Variants in MAP2K5 observed in about 807,000 individuals in gnomAD.
MAP2K5 encodes the protein dual specificity mitogen-activated protein kinase kinase 5.
A neutral mutation model predicts 83.1 loss-of-function variants in MAP2K5; 49 were observed. The observed-to-expected ratio is 0.59, with a 90% confidence interval of 0.47 to 0.75. The LOEUF (loss-of-function observed/expected upper bound fraction) is 0.75, where lower values mean the gene tolerates loss of function less well. Among genes scored for constraint, MAP2K5 ranks in the 30% least tolerant of loss-of-function variants. The pLI is 0.00. For missense variants in MAP2K5, 457 were observed against 557.5 expected (o/e 0.82, Z 1.82); for synonymous variants, 202 against 191.8 (o/e 1.05, Z -0.44).
At chr15:67,653,748 T>C (rs1162623192) in intron 11 of MAP2K5, among the ~76,000 whole-genome samples, 1 of 152,164 alleles carries the variant, frequency 6.6e-6, no homozygotes, top group Non-Finnish European at 1.5e-5. Context: ...CTTGATGTTC[T>C]CCTTCTGTTT....
intron 15 of MAP2K5, among the ~76,000 whole-genome samples, chr15:67,695,608 T>TG (rs1169645819): frequency 6.6e-6 from 1 of 152,168 alleles, no homozygotes; most frequent in Non-Finnish European, 1.5e-5. Context: ...TTTTAAAAGT[T>TG]GGGGGGACAT....
chr15:67,802,770 A>G lies in MAP2K5; in HGVS notation c.1243-3876A>G, dbSNP rs1330898169. On this transcript the variant is annotated intron_variant, in intron 21 of 21. Transcript: ENST00000178640. This position sits in a 1 kb window ranked among gnomAD's most constrained non-coding sequence, Gnocchi z 5.0. ...CTGTATTGGTGCCTGGGTTCCAGGGAGCTGCACCATGCCGCGCTTCCATTG... is the reference window on the plus strand; with the variant it reads ...CTGTATTGGTGCCTGGGTTCCAGGGGGCTGCACCATGCCGCGCTTCCATTG... Among the ~76,000 whole-genome samples, 2 of 152,210 alleles carry G rather than the reference A, an allele frequency of 1.3e-5. No homozygotes were observed. The highest frequency in any genetic ancestry group is 6.5e-5 in the Admixed American group (1 of 15,288).
At chr15:67,582,979 T>A (rs1216258120) in intron 4 of MAP2K5, among the ~76,000 whole-genome samples, 1 of 152,218 alleles carries the variant, frequency 6.6e-6, no homozygotes, top group Non-Finnish European at 1.5e-5. Flanking sequence ...TCACTGTTCA[T>A]CGCATTATGC....
intron 19 of MAP2K5, among the ~76,000 whole-genome samples, chr15:67,761,419 C>A (rs953454776): frequency 6.6e-6 from 1 of 152,172 alleles, no homozygotes; most frequent in Non-Finnish European, 1.5e-5. Context: ...GCTGAAGCAG[C>A]CTTTGAATTT....
intron 21 of MAP2K5, among the ~76,000 whole-genome samples, chr15:67,800,695 T>G (rs1229381682): frequency 6.6e-6 from 1 of 152,212 alleles, no homozygotes; most frequent in Non-Finnish European, 1.5e-5. Context: ...CTCAGAGCCA[T>G]GGACCACACT....
chr15:67,713,412 G>A (rs1038681018), intron 16 of MAP2K5, among the ~76,000 whole-genome samples: 14 of 152,172 alleles, frequency 9.2e-5, no homozygotes, highest in Non-Finnish European at 1.5e-5. Context: ...AAACCATGTA[G>A]AGCTGTGTAA....
rs867947541 is a variant in MAP2K5, at chr15:67,624,635, G to A, written c.546-6253G>A. 2.7e-5 allele frequency among the ~76,000 whole-genome samples: 3 copies of A among 110,868 alleles called. No homozygotes were observed. In the Admixed American group the frequency reaches 2.8e-4, roughly 10 times the overall value. The allele number at this position is 110,868 out of a possible 152,430, so 72.7% of individuals were successfully genotyped here. A position where few individuals can be genotyped will look rare whatever the true frequency, so the allele number is the denominator to read the frequency against. On this transcript the variant is annotated intron_variant, in intron 8 of 21. Transcript: ENST00000178640. ...TGTGTGTGTGTGTGTGTGTGTGTGT[G>A]TGTGAGTGTGTTTGACGGAGTTTCG...
In MAP2K5 at chr15:67,562,988, G is replaced by A. The variant is rs59327254; in HGVS notation, c.185-295G>A. Among the ~76,000 whole-genome samples, 4,181 of 152,132 alleles carry A rather than the reference G, an allele frequency of 0.027. 175 individuals carry two copies. The highest frequency in any genetic ancestry group is 0.091 in the African/African-American group (3,765 of 41,474). ...TGGCCTCTCGTTGGTTTTTAGTTCC[G>A]CTAACCAAACCTGTTTTGTCATACT... On this transcript the variant is annotated intron_variant, in intron 2 of 21. Coordinates refer to ENST00000178640, the MANE Select transcript of MAP2K5 (RefSeq NM_145160.3). The surrounding 1 kb of genome is among the most constrained non-coding windows in gnomAD (Gnocchi z 4.1).
At chr15:67,798,849 C>A (rs1212196709) in intron 21 of MAP2K5, among the ~76,000 whole-genome samples, 1 of 152,178 alleles carries the variant, frequency 6.6e-6, no homozygotes, top group East Asian at 1.9e-4. Flanking sequence ...GAACCCCCAC[C>A]CCCAAATATG....
chr15:67,666,076 G>GA (rs1257424126), intron 13 of MAP2K5, among the ~76,000 whole-genome samples: 6 of 152,038 alleles, frequency 3.9e-5, no homozygotes, highest in Non-Finnish European at 7.4e-5. Context: ...AGAACTAAAG[G>GA]AAAAACATCC....
chr15:67,586,707 T>C, intron 5 of MAP2K5, 139 bp from the exon 6 acceptor site: 1 of 757,228 alleles, frequency 1.3e-6, no homozygotes, highest in Non-Finnish European at 2.4e-6. Flanking sequence ...ATATACTGAA[T>C]AGACTCCAAC....
intron 17 of MAP2K5, among the ~76,000 whole-genome samples, chr15:67,733,037 T>A (rs2089257271): frequency 6.6e-6 from 1 of 152,196 alleles, no homozygotes; most frequent in Non-Finnish European, 1.5e-5. Flanking sequence ...AGTGCAAACA[T>A]CCTAGGCAGT....
rs10529511 is a variant in MAP2K5 at position 67,774,167 on chromosome 15, A to ATGTG, written c.1242+1448_1242+1451dup. ...CCTTGAAAGCAAGTGATGTGTGTGTATGTGTGTGTGTGTGTGTGTGTGTGT... is the reference window on the plus strand; with the variant it reads ...CCTTGAAAGCAAGTGATGTGTGTGTATGTGTGTGTGTGTGTGTGTGTGTGTGTGT... On this transcript the variant is annotated intron_variant, in intron 21 of 21. Transcript: ENST00000178640. This position sits in a 1 kb window ranked among gnomAD's most constrained non-coding sequence, Gnocchi z 4.9. 1.2e-4 allele frequency among the ~76,000 whole-genome samples: 18 copies of ATGTG among 149,566 alleles called. No individual in the cohort carries two copies. Among genetic ancestry groups the ATGTG allele is most frequent in the African/African-American group, 3.9e-4 (16 of 40,510 alleles).
intron 21 of MAP2K5, among the ~76,000 whole-genome samples, chr15:67,795,675 A>C (rs2090593259): frequency 6.6e-6 from 1 of 152,242 alleles, no homozygotes; most frequent in Non-Finnish European, 1.5e-5. Context: ...TTTGCTTGAA[A>C]AAAGTATATA....
intron 8 of MAP2K5, among the ~76,000 whole-genome samples, chr15:67,617,605 C>T (rs1348616075): frequency 1.3e-5 from 2 of 152,096 alleles, no homozygotes; most frequent in African/African-American, 4.8e-5. Context: ...TGTGGGAGTC[C>T]AGATGTTGGA....
intron 19 of MAP2K5, among the ~76,000 whole-genome samples, chr15:67,766,196 G>A (rs1030467154): frequency 6.6e-6 from 1 of 152,188 alleles, no homozygotes; most frequent in Non-Finnish European, 1.5e-5. Context: ...GACCCAGCTT[G>A]TGTCCCTTCA....
Position 67,698,826 on chromosome 15 carries a change from G to A in MAP2K5, c.973-4511G>A, listed in dbSNP as rs918128971. On this transcript the variant is annotated intron_variant, in intron 15 of 21. Coordinates refer to ENST00000178640, the MANE Select transcript of MAP2K5 (RefSeq NM_145160.3). The surrounding 1 kb of genome is among the most constrained non-coding windows in gnomAD (Gnocchi z 4.5). ...TGCTCATGCGATGGTAGTAATGGTA[G>A]TGGTGGTGACTGGAAGGAGGCTAAC... Among the ~76,000 whole-genome samples the A allele has an allele frequency of 1.3e-5, 2 of 152,318 alleles. No homozygotes were observed. Among genetic ancestry groups the A allele is most frequent in the Middle Eastern group, 3.4e-3 (1 of 294 alleles).
intron 19 of MAP2K5, among the ~76,000 whole-genome samples, chr15:67,761,711 G>C (rs190044228): frequency 1.7e-4 from 26 of 152,244 alleles, no homozygotes; most frequent in Admixed American, 6.5e-4. Context: ...ATGTGGTTCA[G>C]ATGTTTCAAT....
chr15:67,669,836 C>A (rs1292062190), intron 13 of MAP2K5, among the ~76,000 whole-genome samples: 4 of 152,070 alleles, frequency 2.6e-5, no homozygotes, highest in Non-Finnish European at 4.4e-5. Context: ...GAATACAGAG[C>A]AATTAGAATT....
Sources: allele counts gnomAD v4.1 joint callset (sites outside exome capture counted in the v4.1 genomes callset), GRCh38; gene constraint gnomAD v4.1.1; non-coding constraint Gnocchi (gnomAD v3.1); transcripts MANE v1.5; gene names NCBI Gene and HGNC (gene_info 2026-07-23, HGNC 2026-07-21).